Variants in FRYL observed in about 807,000 individuals in gnomAD.
FRYL encodes protein furry homolog-like.
FRYL carries 150 observed loss-of-function variants against 351.2 expected under a neutral mutation model. The ratio of observed to expected loss-of-function variants is 0.43; its 90% CI spans 0.37 to 0.49. The LOEUF (loss-of-function observed/expected upper bound fraction) is 0.49, where lower values mean the gene tolerates loss of function less well. FRYL is among the 20% of genes least tolerant of loss of function. The pLI is 0.00. For synonymous variants in FRYL, 1,153 were observed against 1,257.1 expected, an observed-to-expected ratio of 0.92 and a Z score of 1.75; for missense variants, 3,036 against 3,619.3, an observed-to-expected ratio of 0.84 and a Z score of 4.13.
chr4:48,779,013 T>C (rs1776332843), intron 1 of FRYL, among the ~76,000 whole-genome samples: 1 of 151,796 alleles, frequency 6.6e-6, no homozygotes, highest in African/African-American at 2.4e-5. Context: ...CCACCCCCTT[T>C]TTTTTCTTTT....
chr4:48,563,093 C>A, intron 31 of FRYL, 105 bp from the exon 32 acceptor site: 1 of 675,766 alleles, frequency 1.5e-6, no homozygotes, highest in Non-Finnish European at 2.6e-6. Context: ...CATCTATCTT[C>A]TAAGCCTATG....
intron 2 of FRYL, among the ~76,000 whole-genome samples, chr4:48,703,811 T>C (rs1767018836): frequency 6.6e-6 from 1 of 152,172 alleles, no homozygotes; most frequent in Non-Finnish European, 1.5e-5. Context: ...GATTATACTA[T>C]TTGCCACTAG....
At chr4:48,674,345 A>T (rs1763200118) in intron 3 of FRYL, among the ~76,000 whole-genome samples, 1 of 152,116 alleles carries the variant, frequency 6.6e-6, no homozygotes, top group Non-Finnish European at 1.5e-5. Context: ...CATAATTAGG[A>T]CTCTACACAC....
chr4:48,704,003 T>C (rs1003068082), intron 2 of FRYL, among the ~76,000 whole-genome samples: 4 of 152,158 alleles, frequency 2.6e-5, no homozygotes, highest in Non-Finnish European at 5.9e-5. Context: ...CTAAAGCATG[T>C]TGAACTTGAA....
Position 48,499,349 on chromosome 4 carries a change from G to T in FRYL, c.*73C>A. 6 of 1,314,068 alleles carry T rather than the reference G, an allele frequency of 4.6e-6. No homozygotes were observed. The highest frequency in any genetic ancestry group is 6.5e-6 in the Non-Finnish European group (6 of 920,090). 81.4% of individuals were successfully genotyped at this position (1,314,068 alleles called of 1,614,324 possible). A position where few individuals can be genotyped will look rare whatever the true frequency, so the allele number is the denominator to read the frequency against. On this transcript the variant is annotated 3_prime_UTR_variant, in exon 64 of 64. Transcript: ENST00000358350. ...CAGAAAGTTATCAGTGAATGCAAGG[G>T]TCCATAAAAGGTGCTTGGTTAATAT...
chr4:48,500,648 A>G (rs1301342358), intron 62 of FRYL, among the ~76,000 whole-genome samples: 1 of 152,228 alleles, frequency 6.6e-6, no homozygotes, highest in South Asian at 2.1e-4. Context: ...TAAGAAATTA[A>G]ATCATTTCCC....
intron 2 of FRYL, among the ~76,000 whole-genome samples, chr4:48,692,146 T>C (rs550927135): frequency 6.6e-6 from 1 of 152,300 alleles, no homozygotes; most frequent in East Asian, 1.9e-4. Context: ...AGGCAACAGA[T>C]TGTATTTAGC....
intron 3 of FRYL, among the ~76,000 whole-genome samples, chr4:48,640,871 G>A (rs1309912982): frequency 6.6e-6 from 1 of 152,138 alleles, no homozygotes; most frequent in African/African-American, 2.4e-5. Context: ...GAACCAAAGT[G>A]CCTGGGAAGA....
intron 54 of FRYL, among the ~76,000 whole-genome samples, chr4:48,521,758 T>C (rs978508131): frequency 1.3e-5 from 2 of 152,234 alleles, no homozygotes; most frequent in African/African-American, 4.8e-5. Context: ...TAACGTATTA[T>C]GGCTGCCATT....
intron 1 of FRYL, among the ~76,000 whole-genome samples, chr4:48,740,289 AT>A (rs71191255): frequency 0.011 from 1,092 of 97,850 alleles, 5 homozygotes; most frequent in African/African-American, 0.037. Flanking sequence ...AAACAATCTG[AT>A]TTTTTTTTTT....
At chr4:48,754,369 G>A (rs1378153897) in intron 1 of FRYL, among the ~76,000 whole-genome samples, 4 of 152,020 alleles carry the variant, frequency 2.6e-5, no homozygotes, top group East Asian at 1.9e-4. Flanking sequence ...ACCATATTTC[G>A]GTTATTCATT....
intron 1 of FRYL, among the ~76,000 whole-genome samples, chr4:48,755,112 CAT>C (rs1173801673): frequency 1.3e-5 from 2 of 152,118 alleles, no homozygotes; most frequent in African/African-American, 4.8e-5. Context: ...CTGGTAGTCA[CAT>C]GTTATATCCA....
chr4:48,624,084 A>G (rs1374249953), intron 4 of FRYL, among the ~76,000 whole-genome samples: 1 of 152,152 alleles, frequency 6.6e-6, no homozygotes, highest in Non-Finnish European at 1.5e-5. Flanking sequence ...TATTTCATTA[A>G]AAATAAACAG....
intron 1 of FRYL, among the ~76,000 whole-genome samples, chr4:48,712,812 T>G (rs1768256705): frequency 6.6e-6 from 1 of 152,234 alleles, no homozygotes; most frequent in African/African-American, 2.4e-5. Context: ...GGAAAAAATG[T>G]TAAGGGCAGC....
intron 63 of FRYL, 125 bp downstream of exon 63, chr4:48,499,905 A>C (rs1719175589): frequency 1.2e-6 from 1 of 810,220 alleles, no homozygotes; most frequent in South Asian, 1.8e-5. Context: ...CAACTGTTAA[A>C]AATACTCATG....
At chr4:48,503,868 C>T (rs1000884833) in intron 60 of FRYL, among the ~76,000 whole-genome samples, 4 of 152,112 alleles carry the variant, frequency 2.6e-5, no homozygotes, top group African/African-American at 9.7e-5. Context: ...GGGTTTAGTT[C>T]ATACAGTTTA....
At chr4:48,625,977 T>G (rs959159863) in intron 4 of FRYL, among the ~76,000 whole-genome samples, 1 of 152,150 alleles carries the variant, frequency 6.6e-6, no homozygotes, top group Non-Finnish European at 1.5e-5. Context: ...AACTTCATTT[T>G]CATTTTCTGA....
chr4:48,528,011 G>A lies in FRYL; in HGVS notation c.7100C>T (p.Ser2367Phe), dbSNP rs1418941924. 6.3e-7 allele frequency: 1 copy of A among 1,581,996 alleles called. No individual in the cohort carries two copies. ...RTREKLMNVL[S>F]LCGPESGLPK... ...GAGGCCAGATTCTGGACCACAGAGAGAAAGCACATTCATTAGCTTTTCTCT... is the reference window on the plus strand; with the variant it reads ...GAGGCCAGATTCTGGACCACAGAGAAAAAGCACATTCATTAGCTTTTCTCT... Residue 2367 changes from serine to phenylalanine, a missense_variant, in exon 52 of 64, where the codon TCT (serine) becomes TTT (phenylalanine). By Grantham distance (155) the Ser-to-Phe change is radical. Transcript: ENST00000358350.
intron 1 of FRYL, among the ~76,000 whole-genome samples, chr4:48,737,171 C>T (rs1238518918): frequency 1.3e-5 from 2 of 148,634 alleles, no homozygotes; most frequent in Middle Eastern, 3.5e-3. Context: ...GCACAAGAAT[C>T]GTTTGAACCC....
Sources: gnomAD v4.1 joint callset for allele counts (sites outside exome capture counted in the v4.1 genomes callset) on GRCh38, gnomAD v4.1.1 for gene constraint, MANE v1.5 for transcripts, NCBI Gene and HGNC (gene_info 2026-07-23, HGNC 2026-07-21) for gene names.